MLLT10: variants seen among roughly 807,000 people sequenced by gnomAD.
The protein encoded by MLLT10 is protein AF-10.
A neutral mutation model predicts 129.1 loss-of-function variants in MLLT10; 30 were observed. That is an observed-to-expected ratio of 0.23 (90% CI 0.17 to 0.32). MLLT10 has a LOEUF of 0.32. Ranked by LOEUF, MLLT10 falls within the 10% of genes least tolerant of loss-of-function variation. MLLT10 has a pLI of 1.00. For synonymous variants in MLLT10, 490 were observed against 446.4 expected (o/e 1.10, Z -1.23); for missense variants, 1,119 against 1,268.3 (o/e 0.88, Z 1.79).
chr10:21,638,990 A>G (rs1328936230), intron 8 of MLLT10, among the ~76,000 whole-genome samples: 2 of 152,172 alleles, frequency 1.3e-5, no homozygotes, highest in South Asian at 4.1e-4. Context: ...ATGAAGACCC[A>G]TTAACTGCCT....
chr10:21,686,167 T>C (rs1174954385), intron 13 of MLLT10, among the ~76,000 whole-genome samples: 2 of 152,156 alleles, frequency 1.3e-5, no homozygotes, highest in African/African-American at 4.8e-5. Context: ...ATGAAATCTC[T>C]TAGGCTGCTT....
intron 4 of MLLT10, among the ~76,000 whole-genome samples, chr10:21,590,925 C>G (rs1422948395): frequency 6.6e-6 from 1 of 152,066 alleles, no homozygotes; most frequent in Non-Finnish European, 1.5e-5. Context: ...CTCTTGTTTT[C>G]TAACTTATAA....
intron 2 of MLLT10, among the ~76,000 whole-genome samples, chr10:21,535,187 G>A (rs1199180807): frequency 3.9e-5 from 6 of 151,918 alleles, no homozygotes; most frequent in Non-Finnish European, 7.4e-5. Context: ...ACGGGGGTGG[G>A]TTTGGGAGAG....
intron 8 of MLLT10, chr10:21,625,301 A>T (rs1464612470): frequency 1.2e-6 from 1 of 825,226 alleles, no homozygotes; most frequent in Non-Finnish European, 2.1e-6. Context: ...ATCCATAGCC[A>T]TAACAGCTGC....
At chr10:21,688,582 A>G in intron 13 of MLLT10, 1 of 1,546,432 alleles carries the variant, frequency 6.5e-7, no homozygotes, top group Non-Finnish European at 8.9e-7. Flanking sequence ...AATAGTGTTA[A>G]ATTAATCCTA....
At chr10:21,556,592 A>C in intron 3 of MLLT10, 1 of 1,429,972 alleles carries the variant, frequency 7.0e-7, no homozygotes, top group Non-Finnish European at 9.6e-7. Flanking sequence ...GGTGAGAGCC[A>C]GTTACGCGTT....
chr10:21,587,210 G>A (rs2042070019), intron 4 of MLLT10, among the ~76,000 whole-genome samples: 1 of 151,140 alleles, frequency 6.6e-6, no homozygotes, highest in South Asian at 2.1e-4. Context: ...GACCATCCTG[G>A]GCAACATAGG....
At position 21,694,163 on chromosome 10, in the gene MLLT10, T is replaced by C. The variant is rs565588563; in HGVS notation, c.1699+11906T>C. Among the ~76,000 whole-genome samples, 78 of 152,346 alleles carry C rather than the reference T, an allele frequency of 5.1e-4. No individual in the cohort carries two copies. The South Asian group carries it at 0.011, about 21-fold the overall frequency. The stretch of plus-strand genomic sequence containing the variant: ...GTATCCCATCAGCACTGAATACTTA[T>C]GTATTTCTTACAAACAAGGACATTC... On this transcript the variant is annotated intron_variant, in intron 13 of 22. Coordinates refer to ENST00000307729, the MANE Select transcript of MLLT10 (RefSeq NM_001195626.3).
intron 13 of MLLT10, among the ~76,000 whole-genome samples, chr10:21,701,426 T>C (rs2054901252): frequency 1.3e-5 from 2 of 152,056 alleles, no homozygotes; most frequent in Admixed American, 6.6e-5. Flanking sequence ...TTGCAGTCTT[T>C]CTACTTTTTT....
intron 8 of MLLT10, among the ~76,000 whole-genome samples, chr10:21,641,154 A>G (rs2047960473): frequency 6.6e-6 from 1 of 152,232 alleles, no homozygotes; most frequent in South Asian, 2.1e-4. Context: ...CCAAATAAAA[A>G]GAAATGAGTT....
rs374328584 is a variant in MLLT10, at chr10:21,614,888, A to G, written c.567A>G (p.Gln189=). ...AAGGTAATGGTGCCGATAATGTCCA[A>G]TACTGTGGCTACTGTAAATACCATT... is the stretch of plus-strand genomic sequence containing the variant. ...EEEGNGADNV[Q]YCGYCKYHFS... The change falls in exon 7 of 23, where the codon CAA becomes CAG. Residue 189 remains glutamine, a synonymous_variant. Coordinates refer to ENST00000307729, the MANE Select transcript of MLLT10 (RefSeq NM_001195626.3). The G allele has an allele frequency of 9.3e-6, 15 of 1,612,344 alleles. No homozygotes were observed. The African/African-American group carries it at 9.4e-5, about 10-fold the overall frequency.
chr10:21,602,361 T>A (rs1003560731), intron 5 of MLLT10, among the ~76,000 whole-genome samples: 2 of 152,148 alleles, frequency 1.3e-5, no homozygotes, highest in Non-Finnish European at 1.5e-5. Context: ...TATTTATTTT[T>A]TTTTGAAAGT....
chr10:21,619,025 G>GACACACAC (rs1225546623), intron 8 of MLLT10, among the ~76,000 whole-genome samples: 14 of 100,620 alleles, frequency 1.4e-4, no homozygotes, highest in Middle Eastern at 4.8e-3. Flanking sequence ...CGTGCCTGGT[G>GACACACAC]ACATACACAC....
At chr10:21,671,727 G>T (rs557853589) in intron 10 of MLLT10, among the ~76,000 whole-genome samples, 1 of 152,334 alleles carries the variant, frequency 6.6e-6, no homozygotes, top group Non-Finnish European at 1.5e-5. Flanking sequence ...TGAGGCTGCA[G>T]TGAGCTGAGA....
At chr10:21,564,842 G>T (rs2039349798) in intron 3 of MLLT10, among the ~76,000 whole-genome samples, 1 of 151,612 alleles carries the variant, frequency 6.6e-6, no homozygotes. Flanking sequence ...AAAAAAAAAG[G>T]TATTCCACTC....
intron 3 of MLLT10, among the ~76,000 whole-genome samples, chr10:21,548,229 C>T (rs539595206): frequency 6.6e-6 from 1 of 152,104 alleles, no homozygotes; most frequent in African/African-American, 2.4e-5. Flanking sequence ...ACTCAGTGTC[C>T]TTCCATTTTT....
At chr10:21,568,221 C>G (rs12784277) in intron 3 of MLLT10, among the ~76,000 whole-genome samples, 33,920 of 152,116 alleles carry the variant, frequency 0.22, 4,863 homozygotes, top group Middle Eastern at 0.45. Flanking sequence ...AAGAGAATAC[C>G]CAGGGAATTT....
intron 13 of MLLT10, among the ~76,000 whole-genome samples, chr10:21,689,083 A>G (rs2053570639): frequency 6.6e-6 from 1 of 152,082 alleles, no homozygotes; most frequent in Non-Finnish European, 1.5e-5. Flanking sequence ...AGCTAATTTT[A>G]TAGGCTGTGA....
intron 5 of MLLT10, among the ~76,000 whole-genome samples, chr10:21,596,634 TAAA>T (rs61434459): frequency 7.0e-6 from 1 of 142,176 alleles, no homozygotes; most frequent in Non-Finnish European, 1.5e-5. Context: ...TTCTTTCTAG[TAAA>T]AAAAAAAAAA....
Sources: allele counts gnomAD v4.1 joint callset (sites outside exome capture counted in the v4.1 genomes callset), GRCh38; gene constraint gnomAD v4.1.1; transcripts MANE v1.5; gene names NCBI Gene and HGNC (gene_info 2026-07-23, HGNC 2026-07-21).